The following POLI variants were observed in gnomAD, a reference collection of about 807,000 sequenced individuals.
POLI encodes the protein DNA polymerase iota.
Under a neutral mutation model 51.6 loss-of-function variants are expected in POLI, and 58 were observed. The observed-to-expected ratio is 1.12, with a 90% CI of 0.91 to 1.40. The LOEUF (loss-of-function observed/expected upper bound fraction) is 1.40. POLI is among the 40% of genes most tolerant of loss of function. The pLI, the probability that POLI is intolerant of heterozygous loss-of-function variation, is 0.00. For missense variants in POLI, 921 were observed against 871.3 expected (o/e 1.06, Z -0.72); for synonymous variants, 322 against 299.7 (o/e 1.07, Z -0.77).
intron 3 of POLI, among the ~76,000 whole-genome samples, chr18:54,315,154 A>G (rs2088717353): frequency 6.6e-6 from 1 of 152,064 alleles, no homozygotes; most frequent in East Asian, 1.9e-4. Context: ...ATATTTTGGT[A>G]TGCTATGTCT....
At chr18:54,303,990 C>G (rs2088537613) in intron 3 of POLI, among the ~76,000 whole-genome samples, 1 of 151,882 alleles carries the variant, frequency 6.6e-6, no homozygotes, top group Non-Finnish European at 1.5e-5. Context: ...CAGTTCCCAC[C>G]TATGAGTGAC....
Position 54,297,108 on chromosome 18 carries a change from T to G in POLI, c.*2641T>G, listed in dbSNP as rs1225716200. On this transcript the variant is annotated 3_prime_UTR_variant, in exon 10 of 10. Transcript: ENST00000579534. ...TGGATCCTGATTGAATGCCTTGTCT[T>G]AAGTGTAAGCTCCCTGACCCTTACT... 1 of 985,260 alleles carries G rather than the reference T, an allele frequency of 1.0e-6. No homozygotes were observed. Among genetic ancestry groups the G allele is most frequent in the African/African-American group, 1.7e-5 (1 of 57,224 alleles). The allele number at this position is 985,260 out of a possible 1,614,324, so 61.0% of individuals were successfully genotyped here.
chr18:54,306,677 G>T (rs1278083477), intron 3 of POLI, among the ~76,000 whole-genome samples: 1 of 152,186 alleles, frequency 6.6e-6, no homozygotes, highest in African/African-American at 2.4e-5. Flanking sequence ...ACCTCTGGTA[G>T]AATTCGGCTG....
chr18:54,279,690 A>G (rs638885), intron 4 of POLI, among the ~76,000 whole-genome samples: 10,548 of 152,214 alleles, frequency 0.069, 431 homozygotes, highest in African/African-American at 0.089. Flanking sequence ...AAATACTTTT[A>G]GCGTTAGTCT....
chr18:54,273,433 A>G (rs2087097523), intron 2 of POLI, among the ~76,000 whole-genome samples: 1 of 151,508 alleles, frequency 6.6e-6, no homozygotes, highest in Non-Finnish European at 1.5e-5. Flanking sequence ...GGCAGTATAA[A>G]TTAATCTGCT....
intron 8 of POLI, among the ~76,000 whole-genome samples, chr18:54,289,055 G>A (rs750617392): frequency 6.6e-6 from 1 of 152,080 alleles, no homozygotes; most frequent in East Asian, 1.9e-4. Context: ...ATAATGTATT[G>A]TAGCAACTCT....
At chr18:54,319,870 C>G (rs972176102) in intron 3 of POLI, among the ~76,000 whole-genome samples, 2 of 152,038 alleles carry the variant, frequency 1.3e-5, no homozygotes, top group Non-Finnish European at 2.9e-5. Flanking sequence ...ATTTGTAAGA[C>G]AAAGAAAAAA....
At chr18:54,269,482 C>A (rs540010812), upstream of POLI, 5 of 1,484,360 alleles carry the variant, frequency 3.4e-6, no homozygotes, top group Admixed American at 5.5e-5. Context: ...AGACTGTAGT[C>A]CCCCGGTTTC....
Position 54,296,094 on chromosome 18 carries a change from A to G in POLI, c.*1627A>G. On this transcript the variant is annotated 3_prime_UTR_variant, in exon 10 of 10. Transcript: ENST00000579534. ...TTTAGTACTCTGAATCAAGGAACAT[A>G]GTATTTTTTACATGAGTATTCCAGT... 1.0e-6 allele frequency: 1 copy of G among 984,086 alleles called. No individual in the cohort carries two copies. The highest frequency in any genetic ancestry group is 1.2e-6 in the Non-Finnish European group (1 of 828,700). 61.0% of individuals were successfully genotyped at this position (984,086 alleles called of 1,614,324 possible).
At chr18:54,269,500 A>T, upstream of POLI, 1 of 1,498,374 alleles carries the variant, frequency 6.7e-7, no homozygotes, top group Non-Finnish European at 8.9e-7. Context: ...TTCCCTGGAG[A>T]CCAGGCGGAA....
chr18:54,309,729 G>C (rs112605290), intron 3 of POLI, among the ~76,000 whole-genome samples: 1 of 152,136 alleles, frequency 6.6e-6, no homozygotes, highest in Non-Finnish European at 1.5e-5. Context: ...GCTGCGGTGG[G>C]CTCCACCCAG....
chr18:54,285,521 AGTGTGTGT>A (rs61280100), intron 7 of POLI, among the ~76,000 whole-genome samples: 10,059 of 144,726 alleles, frequency 0.07, 402 homozygotes, highest in African/African-American at 0.088. Context: ...AAATTACAGG[AGTGTGTGT>A]GTGTGTGTGT....
chr18:54,275,256 C>T (rs955814845), intron 3 of POLI, among the ~76,000 whole-genome samples: 24 of 152,184 alleles, frequency 1.6e-4, no homozygotes, highest in African/African-American at 5.1e-4. Context: ...CCTAGAAGCT[C>T]GAGGCTGTGA....
chr18:54,271,541 C>A, intron 2 of POLI, 56 bp downstream of exon 2: 1 of 1,206,688 alleles, frequency 8.3e-7, no homozygotes, highest in Non-Finnish European at 1.2e-6. Context: ...AGCAACTCAT[C>A]ATGCTCATTA....
chr18:54,281,212 C>CTCT (rs2087485990), intron 5 of POLI, among the ~76,000 whole-genome samples: 1 of 152,142 alleles, frequency 6.6e-6, no homozygotes, highest in Non-Finnish European at 1.5e-5. Flanking sequence ...CTGGGTCATA[C>CTCT]TCTTATACTG....
At chr18:54,276,829 T>C (rs1435113843) in intron 3 of POLI, among the ~76,000 whole-genome samples, 2 of 152,206 alleles carry the variant, frequency 1.3e-5, no homozygotes, top group African/African-American at 4.8e-5. Flanking sequence ...ACATGATCTA[T>C]GTGGAATGAG....
chr18:54,310,912 C>T (rs2088661176), intron 3 of POLI, among the ~76,000 whole-genome samples: 1 of 151,830 alleles, frequency 6.6e-6, no homozygotes, highest in African/African-American at 2.4e-5. Flanking sequence ...AATCAACCAC[C>T]AGATAAGCTC....
chr18:54,271,586 T>G (rs1327418781), intron 2 of POLI, 101 bp downstream of exon 2: 1 of 846,896 alleles, frequency 1.2e-6, no homozygotes, highest in African/African-American at 1.7e-5. Flanking sequence ...AGAAAGATTT[T>G]GGAAGCAGTT....
At chr18:54,277,365 A>G (rs547816455) in intron 3 of POLI, among the ~76,000 whole-genome samples, 4 of 152,296 alleles carry the variant, frequency 2.6e-5, no homozygotes, top group African/African-American at 9.6e-5. Context: ...TTATTCTTTG[A>G]CACATTTCTT....
Sources: allele counts gnomAD v4.1 joint callset (sites outside exome capture counted in the v4.1 genomes callset), GRCh38; gene constraint gnomAD v4.1.1; transcripts MANE v1.5; gene names NCBI Gene and HGNC (gene_info 2026-07-23, HGNC 2026-07-21).